Variants in EFHD1 observed in about 807,000 individuals in gnomAD.
The protein encoded by EFHD1 is EF-hand domain-containing protein D1.
In EFHD1, 10 loss-of-function variants were observed where a neutral mutation model predicts 17.2. The ratio of observed to expected loss-of-function variants is 0.58; its 90% CI spans 0.36 to 0.99. The LOEUF is 0.99. EFHD1 is among the 50% of genes least tolerant of loss of function. The pLI is 0.01. For synonymous variants in EFHD1, 153 were observed against 142.0 expected (o/e 1.08, Z -0.55); for missense variants, 310 against 327.5 (o/e 0.95, Z 0.41).
At chr2:232,628,103 C>T (rs906801602) in intron 1 of EFHD1, among the ~76,000 whole-genome samples, 32 of 152,176 alleles carry the variant, frequency 2.1e-4, no homozygotes, top group Non-Finnish European at 3.8e-4. Flanking sequence ...CTCTGTCGCC[C>T]AGGTTGGAGT....
At chr2:232,633,379 G>C (rs556898729), upstream of EFHD1, 27 of 999,718 alleles carry the variant, frequency 2.7e-5, no homozygotes, top group African/African-American at 3.7e-4. Flanking sequence ...GAGGGTCCCT[G>C]CCTGGTCCCG....
chr2:232,666,684 G>A (rs751410351), intron 2 of EFHD1, among the ~76,000 whole-genome samples: 24 of 152,124 alleles, frequency 1.6e-4, no homozygotes, highest in African/African-American at 3.9e-4. Flanking sequence ...TTGCACCCCC[G>A]TTCCAAAGCT....
intron 1 of EFHD1, among the ~76,000 whole-genome samples, chr2:232,613,661 T>TACACACACACAAATAC (rs1559335669): frequency 1.6e-5 from 2 of 128,726 alleles, no homozygotes; most frequent in African/African-American, 6.2e-5. Flanking sequence ...CACACACAAA[T>TACACACACACAAATAC]ACACACACAC....
chr2:232,619,158 TATAAATAA>T (rs370538870), intron 1 of EFHD1, among the ~76,000 whole-genome samples: 12,845 of 146,008 alleles, frequency 0.088, 862 homozygotes, highest in East Asian at 0.23. Flanking sequence ...CATCTCAAAA[TATAAATAA>T]ATAAATAAAT....
intron 1 of EFHD1, among the ~76,000 whole-genome samples, chr2:232,614,084 T>TGCACACACATTATACACACAC (rs1179788985): frequency 6.7e-6 from 1 of 148,346 alleles, no homozygotes; most frequent in East Asian, 2.0e-4. Flanking sequence ...TATACACACA[T>TGCACACACATTATACACACAC]ATATACACAC....
At chr2:232,611,945 T>C in intron 1 of EFHD1, 1 of 152,374 alleles carries the variant, frequency 6.6e-6, no homozygotes. Context: ...CAGCCTGGCC[T>C]TTACCTTTTG....
At chr2:232,680,114 A>T (rs185523966) in intron 3 of EFHD1, among the ~76,000 whole-genome samples, 3 of 152,096 alleles carry the variant, frequency 2.0e-5, no homozygotes, top group African/African-American at 7.2e-5. Context: ...CTCTACTAAA[A>T]ATACAAAAAT....
chr2:232,638,240 C>A (rs1186942209), intron 1 of EFHD1: 5 of 424,104 alleles, frequency 1.2e-5, no homozygotes. Flanking sequence ...AGGCCTCTTT[C>A]AAAGGGAGGC....
chr2:232,618,503 C>T (rs1254446922), intron 1 of EFHD1, among the ~76,000 whole-genome samples: 1 of 151,722 alleles, frequency 6.6e-6, no homozygotes, highest in African/African-American at 2.4e-5. Flanking sequence ...CAGCTGATCA[C>T]ATGAGTCCAG....
At chr2:232,639,947 C>T (rs1392605072) in intron 1 of EFHD1, among the ~76,000 whole-genome samples, 1 of 152,224 alleles carries the variant, frequency 6.6e-6, no homozygotes, top group African/African-American at 2.4e-5. Context: ...CTGTCGCGGA[C>T]TCACCTGTCG....
At chr2:232,649,265 G>A (rs1694591794) in intron 1 of EFHD1, among the ~76,000 whole-genome samples, 1 of 152,180 alleles carries the variant, frequency 6.6e-6, no homozygotes, top group African/African-American at 2.4e-5. Context: ...CGGATCTGGG[G>A]GCTTTCCCAG....
chr2:232,625,009 T>C (rs1694081915), intron 1 of EFHD1, among the ~76,000 whole-genome samples: 1 of 152,224 alleles, frequency 6.6e-6, no homozygotes, highest in Non-Finnish European at 1.5e-5. Flanking sequence ...CTTATTTTTA[T>C]CTTAGTACTT....
rs114063296 is a variant in EFHD1 at position 232,626,206 on chromosome 2, A to T, written c.14+20033A>T. ...GACCTTGTGTCCAAAAAAAGAAAAA[A>T]ATATATATATATCCTTGATGAAGCA... On this transcript the variant is annotated intron_variant, in intron 1 of 3. Coordinates refer to the EFHD1 transcript ENST00000409613. Among the ~76,000 whole-genome samples the T allele has an allele frequency of 9.7e-3, 1,473 of 151,732 alleles. 40 individuals carry two copies. The highest frequency in any genetic ancestry group is 0.06 in the Admixed American group (912 of 15,174).
At chr2:232,640,286 G>C (rs1243472811) in intron 1 of EFHD1, among the ~76,000 whole-genome samples, 1 of 152,132 alleles carries the variant, frequency 6.6e-6, no homozygotes, top group African/African-American at 2.4e-5. Flanking sequence ...GCTTTGATTA[G>C]CATGGGGCTA....
intron 1 of EFHD1, among the ~76,000 whole-genome samples, chr2:232,651,316 T>G (rs1275460151): frequency 1.3e-5 from 2 of 152,210 alleles, no homozygotes; most frequent in African/African-American, 2.4e-5. Flanking sequence ...GCAAGGAATG[T>G]GATAGCATTT....
intron 1 of EFHD1, among the ~76,000 whole-genome samples, chr2:232,624,288 A>G (rs1015821454): frequency 6.6e-6 from 1 of 152,140 alleles, no homozygotes; most frequent in Admixed American, 6.5e-5. Flanking sequence ...TCAAGTCCCT[A>G]AAGTCCCCCA....
intron 2 of EFHD1, 123 bp downstream of exon 2, chr2:232,663,072 C>T (rs898188985): frequency 8.7e-7 from 1 of 1,143,052 alleles, no homozygotes; most frequent in Non-Finnish European, 1.2e-6. Context: ...ATCTAACCTG[C>T]AATTCCGCTT....
chr2:232,618,006 A>G (rs1693958829), intron 1 of EFHD1, among the ~76,000 whole-genome samples: 1 of 151,788 alleles, frequency 6.6e-6, no homozygotes, highest in Non-Finnish European at 1.5e-5. Context: ...AAAGATAAAT[A>G]AACCAATTTA....
chr2:232,647,102 C>G (rs1694544785), intron 1 of EFHD1, among the ~76,000 whole-genome samples: 3 of 152,254 alleles, frequency 2.0e-5, no homozygotes, highest in African/African-American at 7.2e-5. Context: ...TAAGTGACCA[C>G]CTTCTCAGGT....
Sources: gnomAD v4.1 joint callset for allele counts (sites outside exome capture counted in the v4.1 genomes callset) on GRCh38, gnomAD v4.1.1 for gene constraint, MANE v1.5 for transcripts, NCBI Gene and HGNC (gene_info 2026-07-23, HGNC 2026-07-21) for gene names.